Variants in DLC1 observed in about 807,000 individuals in gnomAD.
The protein encoded by DLC1 is DLC1 Rho GTPase activating protein.
In DLC1, 54 loss-of-function variants were observed where a neutral mutation model predicts 140.3. The observed-to-expected ratio is 0.38, with a 90% CI of 0.31 to 0.48. The LOEUF is 0.48. Ranked by LOEUF, DLC1 falls within the 20% of genes least tolerant of loss-of-function variation. The pLI is 0.96. For missense variants in DLC1, 2,536 were observed against 1,907.0 expected, an observed-to-expected ratio of 1.33 and a Z score of -6.14; for synonymous variants, 986 against 728.1, an observed-to-expected ratio of 1.35 and a Z score of -5.70.
chr8:13,567,705 A>G, intron 1 of DLC1: 1 of 1,552,064 alleles, frequency 6.4e-7, no homozygotes, highest in South Asian at 1.2e-5. Context: ...TTCATACCAA[A>G]GACTTTCTCA....
intron 2 of DLC1, among the ~76,000 whole-genome samples, chr8:13,451,119 G>A (rs1268179450): frequency 1.4e-5 from 2 of 139,660 alleles, no homozygotes; most frequent in African/African-American, 2.6e-5. Context: ...AGATAACAAC[G>A]AAATAAAGTA....
intron 4 of DLC1, among the ~76,000 whole-genome samples, chr8:13,367,436 C>T (rs748982399): frequency 2.6e-5 from 4 of 152,172 alleles, no homozygotes; most frequent in Non-Finnish European, 5.9e-5. Flanking sequence ...TCTCAATCGT[C>T]ATTAGGGGGC....
chr8:13,176,279 T>A (rs1484719322), intron 5 of DLC1, among the ~76,000 whole-genome samples: 4 of 152,138 alleles, frequency 2.6e-5, no homozygotes, highest in Non-Finnish European at 4.4e-5. Context: ...AACTGCCTTC[T>A]AATAAAAACT....
intron 1 of DLC1, among the ~76,000 whole-genome samples, chr8:13,603,005 T>C (rs1011003953): frequency 1.3e-5 from 2 of 151,908 alleles, no homozygotes; most frequent in South Asian, 2.1e-4. Context: ...TAAAATTCTT[T>C]AGGGATTTTA....
intron 5 of DLC1, among the ~76,000 whole-genome samples, chr8:13,295,009 C>G (rs1470737962): frequency 6.6e-6 from 1 of 152,112 alleles, no homozygotes; most frequent in African/African-American, 2.4e-5. Context: ...AAACTTCAAC[C>G]GAAACATCTG....
intron 2 of DLC1, among the ~76,000 whole-genome samples, chr8:13,434,510 A>G (rs1361594307): frequency 1.3e-5 from 2 of 152,032 alleles, no homozygotes; most frequent in African/African-American, 2.4e-5. Context: ...GTGTGTATGT[A>G]TATGTTTAAG....
chr8:13,566,727 G>A (rs1475447787), intron 1 of DLC1: 5 of 473,260 alleles, frequency 1.1e-5, no homozygotes, highest in South Asian at 7.7e-5. Context: ...AGAAGACAGG[G>A]CAAAATCGCC....
Position 13,389,899 on chromosome 8 carries a change from T to G in DLC1, c.1314+3654A>C, listed in dbSNP as rs564532166. ...AGCAGAGGGTTAGTTCATTATAGTT[T>G]GATGTGTTAGGTAGGTGTTCTTAGA... On this transcript the variant is annotated intron_variant, in intron 4 of 17. Transcript: ENST00000276297. Among the ~76,000 whole-genome samples the G allele has an allele frequency of 2.1e-4, 32 of 152,324 alleles. 1 individual carries two copies. The South Asian group carries it at 6.6e-3, about 32-fold the overall frequency.
chr8:13,143,848 G>GAGAGAGAGAGACAT (rs1490009372), intron 5 of DLC1, among the ~76,000 whole-genome samples: 23 of 147,714 alleles, frequency 1.6e-4, no homozygotes, highest in Non-Finnish European at 3.0e-5. Flanking sequence ...GAGAGAGAGA[G>GAGAGAGAGAGACAT]AGAGACATAG....
intron 5 of DLC1, among the ~76,000 whole-genome samples, chr8:13,257,701 A>G (rs531892270): frequency 6.9e-6 from 1 of 144,470 alleles, no homozygotes; most frequent in East Asian, 2.1e-4. Context: ...GACTTTGTTT[A>G]TGTCAACTAC....
intron 3 of DLC1, among the ~76,000 whole-genome samples, chr8:13,396,146 G>A (rs576877206): frequency 6.9e-5 from 10 of 143,922 alleles, no homozygotes; most frequent in Non-Finnish European, 1.3e-4. Context: ...TGCAAGCTCC[G>A]CCTCCTGGGT....
At chr8:13,108,525 C>G (rs1470935608) in intron 7 of DLC1, among the ~76,000 whole-genome samples, 2 of 152,182 alleles carry the variant, frequency 1.3e-5, no homozygotes, top group African/African-American at 2.4e-5. Context: ...TTGCAAAGTA[C>G]AGAGGATACT....
chr8:13,361,383 C>A (rs922797175), intron 4 of DLC1, among the ~76,000 whole-genome samples: 8 of 151,924 alleles, frequency 5.3e-5, no homozygotes, highest in Non-Finnish European at 1.2e-4. Context: ...ACCTCCTGAG[C>A]AGCTGGGACT....
At chr8:13,211,963 G>T (rs1462775750) in intron 5 of DLC1, among the ~76,000 whole-genome samples, 1 of 152,122 alleles carries the variant, frequency 6.6e-6, no homozygotes, top group Non-Finnish European at 1.5e-5. Flanking sequence ...ACAAACTAAA[G>T]CTGGTCAACA....
At chr8:13,492,259 A>C (rs1801287852) in intron 2 of DLC1, among the ~76,000 whole-genome samples, 1 of 152,124 alleles carries the variant, frequency 6.6e-6, no homozygotes, top group Non-Finnish European at 1.5e-5. Context: ...GTTAAAAAAT[A>C]GCAATGATTT....
intron 4 of DLC1, among the ~76,000 whole-genome samples, chr8:13,377,222 A>C (rs1489263999): frequency 6.6e-6 from 1 of 152,208 alleles, no homozygotes; most frequent in African/African-American, 2.4e-5. Flanking sequence ...CTGACACATA[A>C]GATTTCCAAT....
intron 2 of DLC1, among the ~76,000 whole-genome samples, chr8:13,421,142 G>A (rs1054885038): frequency 5.9e-5 from 9 of 152,094 alleles, no homozygotes; most frequent in African/African-American, 2.2e-4. Context: ...TCCAAAACTC[G>A]ATGACAGATC....
intron 1 of DLC1, among the ~76,000 whole-genome samples, chr8:13,507,787 C>G (rs1305580923): frequency 6.6e-6 from 1 of 151,960 alleles, no homozygotes; most frequent in Non-Finnish European, 1.5e-5. Context: ...AAAACTTTAC[C>G]AAATTAAAGA....
At chr8:13,394,374 G>A (rs1412552560) in intron 3 of DLC1, among the ~76,000 whole-genome samples, 1 of 152,136 alleles carries the variant, frequency 6.6e-6, no homozygotes, top group Non-Finnish European at 1.5e-5. Flanking sequence ...TTAAATGCTA[G>A]CTACTCCAAT....
Sources: gnomAD v4.1 joint callset for allele counts (sites outside exome capture counted in the v4.1 genomes callset) on GRCh38, gnomAD v4.1.1 for gene constraint, MANE v1.5 for transcripts, NCBI Gene and HGNC (gene_info 2026-07-23, HGNC 2026-07-21) for gene names.